The following CALD1 variants were observed in gnomAD, a reference collection of about 807,000 sequenced individuals.
CALD1 encodes caldesmon 1, also known as caldesmon.
Under a neutral mutation model 99.9 loss-of-function variants are expected in CALD1, and 33 were observed. The ratio of observed to expected loss-of-function variants is 0.33; its 90% CI spans 0.25 to 0.44. CALD1 has a LOEUF of 0.44. CALD1 is among the 20% of genes least tolerant of loss of function. The pLI is 1.00. For synonymous variants in CALD1, 310 were observed against 325.0 expected (o/e 0.95, Z 0.50); for missense variants, 861 against 962.1 (o/e 0.89, Z 1.39).
At chr7:134,819,059 G>A (rs536484099) in intron 1 of CALD1, among the ~76,000 whole-genome samples, 2 of 152,206 alleles carry the variant, frequency 1.3e-5, no homozygotes, top group South Asian at 2.1e-4. Context: ...TTTCCTCTGC[G>A]AGTGTTTCTG....
At chr7:134,766,411 G>T (rs1280713349) in intron 1 of CALD1, among the ~76,000 whole-genome samples, 4 of 152,012 alleles carry the variant, frequency 2.6e-5, no homozygotes, top group Non-Finnish European at 5.9e-5. Flanking sequence ...CTCCCAAAGT[G>T]CTGGGATTAC....
rs554441857 is a variant in CALD1, at chr7:134,780,229, G to T, written c.-130+480G>T. Among the ~76,000 whole-genome samples the T allele has an allele frequency of 1.6e-3, 240 of 152,288 alleles. 1 individual carries two copies. Among genetic ancestry groups the T allele is most frequent in the African/African-American group, 5.5e-3 (230 of 41,562 alleles). Reference sequence around the variant, plus strand: ...AAGGGAATGATTTTTTTAACCAAAGGCTTTTGCGTTATAGTCTGCTGCCAG... The same window carrying T: ...AAGGGAATGATTTTTTTAACCAAAGTCTTTTGCGTTATAGTCTGCTGCCAG... On this transcript the variant is annotated intron_variant, in intron 1 of 14. Transcript: ENST00000361675.
At chr7:134,932,667 G>T (rs1360835481) in intron 4 of CALD1, among the ~76,000 whole-genome samples, 11 of 152,180 alleles carry the variant, frequency 7.2e-5, no homozygotes, top group Non-Finnish European at 1.0e-4. Flanking sequence ...ACACCTCGGA[G>T]TTATCCCACT....
At chr7:134,962,754 G>C (rs1584688973) in intron 13 of CALD1, 1 of 450,208 alleles carries the variant, frequency 2.2e-6, no homozygotes, top group East Asian at 7.0e-5. Flanking sequence ...ATGTTACACA[G>C]AAATTAAAAA....
chr7:134,805,910 G>T (rs2131879597), intron 1 of CALD1, among the ~76,000 whole-genome samples: 1 of 152,196 alleles, frequency 6.6e-6, no homozygotes, highest in African/African-American at 2.4e-5. Context: ...ATAGACACGT[G>T]CCACCACACC....
At chr7:134,964,212 A>C (rs1808497660) in intron 13 of CALD1, among the ~76,000 whole-genome samples, 1 of 152,148 alleles carries the variant, frequency 6.6e-6, no homozygotes, top group African/African-American at 2.4e-5. Context: ...AAAAAGAAGA[A>C]AGAAAAGTGA....
At chr7:134,958,387 A>G in intron 11 of CALD1, 97 bp downstream of exon 11, 2 of 951,822 alleles carry the variant, frequency 2.1e-6, no homozygotes, top group Non-Finnish European at 1.7e-6. Flanking sequence ...ATCAAGTCCA[A>G]TAGCCCCAGG....
At chr7:134,878,425 CG>C (rs1801447622) in intron 3 of CALD1, among the ~76,000 whole-genome samples, 1 of 151,838 alleles carries the variant, frequency 6.6e-6, no homozygotes, top group Admixed American at 6.6e-5. Context: ...AAAAATTAGC[CG>C]GGCATAGTAG....
intron 6 of CALD1, among the ~76,000 whole-genome samples, chr7:134,936,760 A>G (rs1806012943): frequency 6.6e-6 from 1 of 152,250 alleles, no homozygotes; most frequent in Non-Finnish European, 1.5e-5. Context: ...TTCATGTTAC[A>G]TATTACATTT....
chr7:134,963,246 G>C (rs1808413717), intron 13 of CALD1, among the ~76,000 whole-genome samples: 1 of 152,136 alleles, frequency 6.6e-6, no homozygotes. Context: ...ACCTACGCTG[G>C]CAAATGTAGT....
chr7:134,867,290 G>C (rs1012635227), intron 2 of CALD1, among the ~76,000 whole-genome samples: 6 of 152,058 alleles, frequency 3.9e-5, no homozygotes, highest in Non-Finnish European at 8.8e-5. Flanking sequence ...ACCTCTTCTT[G>C]CCACTTTTCT....
At chr7:134,786,795 G>C (rs1404831307) in intron 1 of CALD1, among the ~76,000 whole-genome samples, 1 of 152,200 alleles carries the variant, frequency 6.6e-6, no homozygotes, top group African/African-American at 2.4e-5. Context: ...CTGATAGTAA[G>C]AGAGCATGTT....
intron 1 of CALD1, among the ~76,000 whole-genome samples, chr7:134,828,121 A>G (rs1048929742): frequency 6.6e-6 from 1 of 152,220 alleles, no homozygotes; most frequent in African/African-American, 2.4e-5. Context: ...AAAGTTGTTA[A>G]GTTTGGCAAT....
chr7:134,878,974 C>CA (rs879511930), intron 3 of CALD1, among the ~76,000 whole-genome samples: 127 of 142,596 alleles, frequency 8.9e-4, no homozygotes, highest in East Asian at 2.4e-3. Context: ...GACCTTGTCT[C>CA]AAAAAAAAAA....
chr7:134,831,759 T>C (rs1024453517), intron 1 of CALD1, among the ~76,000 whole-genome samples: 5 of 152,220 alleles, frequency 3.3e-5, no homozygotes, highest in Admixed American at 1.3e-4. Flanking sequence ...ATCCGAGTTA[T>C]CTGCGAGTTA....
At position 134,933,024 on chromosome 7, in the gene CALD1, C is replaced by A. The variant is rs1046037633; in HGVS notation, c.255C>A (p.Asn85Lys). The A allele has an allele frequency of 6.2e-7, 1 of 1,612,636 alleles. No individual in the cohort carries two copies. Among genetic ancestry groups the A allele is most frequent in the African/African-American group, 1.3e-5 (1 of 74,702 alleles). Residue 85 changes from asparagine to lysine, a missense_variant, in exon 5 of 15, where the codon AAC (asparagine) becomes AAA (lysine). Around this residue, in one of 5 missense-constraint regions of CALD1, gnomAD observed 123 missense variants for 169.8 expected, o/e 0.72. Coordinates refer to ENST00000361675, the MANE Select transcript of CALD1 (RefSeq NM_033138.4). ...PDEEAKTTTT[N>K]TQVEGDDEAA... ...AGGAGGCCAAGACAACCACCACAAACACTCAAGTGGAAGGGGATGATGAGG... is the reference window on the plus strand; with the variant it reads ...AGGAGGCCAAGACAACCACCACAAAAACTCAAGTGGAAGGGGATGATGAGG...
chr7:134,761,436 G>A (rs1373747047), intron 1 of CALD1, among the ~76,000 whole-genome samples: 3 of 150,054 alleles, frequency 2.0e-5, no homozygotes, highest in South Asian at 4.4e-4. Context: ...ATTTGCAGTC[G>A]ATTAATTTAA....
intron 1 of CALD1, among the ~76,000 whole-genome samples, chr7:134,833,432 G>A (rs1285960058): frequency 2.0e-5 from 3 of 152,162 alleles, no homozygotes; most frequent in African/African-American, 4.8e-5. Context: ...TTGTGGCCAC[G>A]TAAGACTGAA....
intron 1 of CALD1, among the ~76,000 whole-genome samples, chr7:134,753,023 C>CA (rs1190864560): frequency 1.4e-4 from 7 of 48,608 alleles, no homozygotes; most frequent in South Asian, 1.4e-3. Flanking sequence ...AAAAAAAAAA[C>CA]AAAAAAAAAC....
Sources: gnomAD v4.1 joint callset for allele counts (sites outside exome capture counted in the v4.1 genomes callset) on GRCh38, gnomAD v4.1.1 for gene constraint, gnomAD v4.1.1 regional missense constraint, MANE v1.5 for transcripts, NCBI Gene and HGNC (gene_info 2026-07-23, HGNC 2026-07-21) for gene names.